KPNA6: variants seen among roughly 807,000 people sequenced by gnomAD.
The protein encoded by KPNA6 is karyopherin subunit alpha 6.
Under a neutral mutation model 72.0 loss-of-function variants are expected in KPNA6, and 9 were observed. That is an observed-to-expected ratio of 0.13 (90% CI 0.08 to 0.22). The LOEUF (loss-of-function observed/expected upper bound fraction) is 0.22, where lower values mean the gene tolerates loss of function less well. Ranked by LOEUF, KPNA6 falls within the 10% of genes least tolerant of loss-of-function variation. The pLI is 1.00. For synonymous variants in KPNA6, 219 were observed against 242.1 expected (o/e 0.90, Z 0.89); for missense variants, 374 against 655.7 (o/e 0.57, Z 4.69).
intron 1 of KPNA6, among the ~76,000 whole-genome samples, chr1:32,128,422 T>TACACAC (rs1291680631): frequency 8.4e-6 from 1 of 118,460 alleles, no homozygotes; most frequent in African/African-American, 3.7e-5. Flanking sequence ...TATATATATA[T>TACACAC]ATATACACAC....
rs1426656898 is a variant in KPNA6, at chr1:32,119,011, TATATATATATA to T, written c.4+10878_4+10888del. Reference sequence around the variant, plus strand: ...GTGTGTGTATACATATATATATATATATATATATATATATATATATATTTTTTTTTTTTTTT... The same window carrying T: ...GTGTGTGTATACATATATATATATATTATATATATATTTTTTTTTTTTTTT... On this transcript the variant is annotated intron_variant, in intron 1 of 13. Coordinates refer to ENST00000373625, the MANE Select transcript of KPNA6 (RefSeq NM_012316.5). 3.7e-4 allele frequency among the ~76,000 whole-genome samples: 25 copies of T among 67,646 alleles called. 1 individual carries two copies. The highest frequency in any genetic ancestry group is 1.7e-3 in the Admixed American group (10 of 5,862). 44.4% of individuals were successfully genotyped at this position (67,646 alleles called of 152,430 possible).
chr1:32,119,032 A>ATATATTTTTTTTTTTTTTTT (rs1167325052), intron 1 of KPNA6, among the ~76,000 whole-genome samples: 2 of 40,274 alleles, frequency 5.0e-5, no homozygotes, highest in African/African-American at 2.0e-4. Context: ...ATATATATAT[A>ATATATTTTTTTTTTTTTTTT]TTTTTTTTTT....
intron 1 of KPNA6, among the ~76,000 whole-genome samples, chr1:32,128,387 T>TATATATATA (rs1553127101): frequency 1.4e-5 from 1 of 72,168 alleles, no homozygotes. Context: ...ATATATGTAT[T>TATATATATA]TATATATATA....
At chr1:32,142,255 CAAAAAAAAAAAA>C (rs763008502) in intron 1 of KPNA6, among the ~76,000 whole-genome samples, 4 of 55,288 alleles carry the variant, frequency 7.2e-5, no homozygotes, top group Non-Finnish European at 1.0e-4. Flanking sequence ...GACCCTGTCT[CAAAAAAAAAAAA>C]AAAAAAAAAA....
intron 1 of KPNA6, among the ~76,000 whole-genome samples, chr1:32,142,382 C>A (rs1482637294): frequency 1.3e-5 from 2 of 151,964 alleles, no homozygotes; most frequent in Non-Finnish European, 2.9e-5. Context: ...TTTAAGGACA[C>A]CAGTTACTGG....
intron 1 of KPNA6, among the ~76,000 whole-genome samples, chr1:32,141,370 T>A (rs77464032): frequency 3.6e-5 from 5 of 137,076 alleles, no homozygotes; most frequent in Non-Finnish European, 7.7e-5. Flanking sequence ...TTTTTTAAGT[T>A]AATCCTTTTT....
chr1:32,125,525 A>G lies in KPNA6; in HGVS notation c.4+17391A>G, dbSNP rs6675243. On this transcript the variant is annotated intron_variant, in intron 1 of 13. Coordinates refer to ENST00000373625, the MANE Select transcript of KPNA6 (RefSeq NM_012316.5). The stretch of plus-strand genomic sequence containing the variant: ...GGCCATCTGGTCACCATAATTTTGT[A>G]GCATAGATCCTGCATATATTTTGGC... Among the ~76,000 whole-genome samples, 1,015 of 152,316 alleles carry G rather than the reference A, an allele frequency of 6.7e-3. 7 individuals carry two copies. Among genetic ancestry groups the G allele is most frequent in the African/African-American group, 0.022 (925 of 41,570 alleles).
intron 1 of KPNA6, among the ~76,000 whole-genome samples, chr1:32,153,097 A>C (rs1642066170): frequency 6.6e-6 from 1 of 151,876 alleles, no homozygotes; most frequent in Non-Finnish European, 1.5e-5. Flanking sequence ...AAATGTAGAA[A>C]GGGGATAGAA....
chr1:32,162,066 G>T lies in KPNA6; in HGVS notation c.747+20G>T. The T allele has an allele frequency of 1.9e-6, 3 of 1,571,246 alleles. No individual in the cohort carries two copies. The highest frequency in any genetic ancestry group is 2.6e-6 in the Non-Finnish European group (3 of 1,141,872). ...GCAAAGGTGAGAGAGCTACTTACTA[G>T]ACCCTGAGTGACATCAGGTTCCTTC... On this transcript the variant is annotated intron_variant, in intron 8 of 13. Coordinates refer to ENST00000373625, the MANE Select transcript of KPNA6 (RefSeq NM_012316.5).
At chr1:32,116,634 G>A (rs1641333765) in intron 1 of KPNA6, among the ~76,000 whole-genome samples, 2 of 152,048 alleles carry the variant, frequency 1.3e-5, no homozygotes, top group Admixed American at 6.6e-5. Flanking sequence ...CTCCAGACTT[G>A]GAAACTCCTT....
chr1:32,158,009 C>T (rs1642173685), intron 4 of KPNA6, among the ~76,000 whole-genome samples: 1 of 152,150 alleles, frequency 6.6e-6, no homozygotes, highest in African/African-American at 2.4e-5. Flanking sequence ...GTTCTCTCTC[C>T]CACACCTTTC....
intron 1 of KPNA6, among the ~76,000 whole-genome samples, chr1:32,147,596 C>G (rs1321050738): frequency 6.6e-6 from 1 of 151,662 alleles, no homozygotes; most frequent in East Asian, 1.9e-4. Flanking sequence ...CTGAACCCAG[C>G]CTCTTTTCGG....
At chr1:32,130,651 T>C (rs189971575) in intron 1 of KPNA6, among the ~76,000 whole-genome samples, 1 of 151,708 alleles carries the variant, frequency 6.6e-6, no homozygotes, top group Non-Finnish European at 1.5e-5. Context: ...CTGGGCATGG[T>C]GGTGCATGCC....
At chr1:32,113,860 C>T (rs564386006) in intron 1 of KPNA6, among the ~76,000 whole-genome samples, 1 of 152,288 alleles carries the variant, frequency 6.6e-6, no homozygotes, top group South Asian at 2.1e-4. Context: ...CGTGAGATTG[C>T]AGCAATTCAA....
intron 1 of KPNA6, among the ~76,000 whole-genome samples, chr1:32,134,470 G>A (rs772865403): frequency 3.3e-5 from 5 of 151,374 alleles, no homozygotes; most frequent in Non-Finnish European, 7.4e-5. Context: ...ACAAAACCCC[G>A]TCTCTACTCA....
intron 1 of KPNA6, among the ~76,000 whole-genome samples, chr1:32,113,851 G>A (rs1020017757): frequency 1.3e-5 from 2 of 152,146 alleles, no homozygotes; most frequent in Admixed American, 6.6e-5. Flanking sequence ...AAGTTTGATC[G>A]TGAGATTGCA....
At chr1:32,133,552 A>AT (rs1267310034) in intron 1 of KPNA6, among the ~76,000 whole-genome samples, 1 of 150,818 alleles carries the variant, frequency 6.6e-6, no homozygotes, top group Non-Finnish European at 1.5e-5. Context: ...TTACTTGGAC[A>AT]TGATGGCATG....
At chr1:32,133,180 C>CA (rs1487064480) in intron 1 of KPNA6, among the ~76,000 whole-genome samples, 1 of 151,530 alleles carries the variant, frequency 6.6e-6, no homozygotes, top group African/African-American at 2.4e-5. Flanking sequence ...CTCATCTCTA[C>CA]AAAAAATACG....
rs878866139 is a variant in KPNA6 at position 32,173,856 on chromosome 1, C to T, written c.*2962C>T. On this transcript the variant is annotated 3_prime_UTR_variant, in exon 14 of 14. Coordinates refer to ENST00000373625, the MANE Select transcript of KPNA6 (RefSeq NM_012316.5). ...GGAATCCTGGCATGTTGGCATATGG[C>T]TGGTCTATCCTTTTTAAGATCTCTG... is the stretch of plus-strand genomic sequence containing the variant. 6.6e-6 allele frequency: 1 copy of T among 152,274 alleles called. No individual in the cohort carries two copies. Among genetic ancestry groups the T allele is most frequent in the African/African-American group, 2.4e-5 (1 of 41,444 alleles). The allele number at this position is 152,274 out of a possible 1,614,324, so 9.4% of individuals were successfully genotyped here.
Sources: allele counts gnomAD v4.1 joint callset (sites outside exome capture counted in the v4.1 genomes callset), GRCh38; gene constraint gnomAD v4.1.1; transcripts MANE v1.5; gene names NCBI Gene and HGNC (gene_info 2026-07-23, HGNC 2026-07-21).